PEBP4: variants seen among roughly 807,000 people sequenced by gnomAD.
PEBP4 encodes phosphatidylethanolamine-binding protein 4.
PEBP4 carries 22 observed loss-of-function variants against 23.9 expected under a neutral mutation model. That is an observed-to-expected ratio of 0.92 (90% CI 0.66 to 1.31). The LOEUF is 1.31. PEBP4 is among the 40% of genes most tolerant of loss of function. The probability of loss-of-function intolerance (pLI) is 0.00; values close to 1 mark genes in which losing one functional copy is unlikely to be tolerated. For missense variants in PEBP4, 324 were observed against 281.7 expected, an observed-to-expected ratio of 1.15 and a Z score of -1.07; for synonymous variants, 112 against 99.3, an observed-to-expected ratio of 1.13 and a Z score of -0.76.
rs149835622 is a variant in PEBP4 at position 22,895,078 on chromosome 8, T to C, written c.258+25106A>G. On this transcript the variant is annotated intron_variant, in intron 3 of 6. Coordinates refer to ENST00000256404, the MANE Select transcript of PEBP4 (RefSeq NM_144962.3). ...GGTGCCATTTGTTTTTTAATATTTA[T>C]TGGCAGAAATCTGAGAAATGTATAG... Among the ~76,000 whole-genome samples the C allele has an allele frequency of 1.8e-4, 27 of 152,310 alleles. 1 individual carries two copies. The East Asian group carries it at 5.2e-3, about 29-fold the overall frequency.
intron 4 of PEBP4, among the ~76,000 whole-genome samples, chr8:22,813,956 C>A (rs1806687895): frequency 6.6e-6 from 1 of 152,166 alleles, no homozygotes; most frequent in African/African-American, 2.4e-5. Flanking sequence ...AGAATAGAAG[C>A]CCTGTGAGGG....
chr8:22,924,175 C>T (rs2036788), intron 2 of PEBP4, among the ~76,000 whole-genome samples: 5,670 of 152,234 alleles, frequency 0.037, 146 homozygotes, highest in Middle Eastern at 0.078. Flanking sequence ...ACAGCCTGGA[C>T]TACATACCGA....
In PEBP4 at chr8:22,865,890, C is replaced by T. The variant is rs1161001280; in HGVS notation, c.259-48155G>A. On this transcript the variant is annotated intron_variant, in intron 3 of 6. Transcript: ENST00000256404. This position sits in a 1 kb window ranked among gnomAD's most constrained non-coding sequence, Gnocchi z 6.9. ...ACCCCGGCTGTCCCAGCTCGGGCGC[C>T]CCAAACCCACAGCTCCCACTCAGGA... Among the ~76,000 whole-genome samples the T allele has an allele frequency of 6.6e-6, 1 of 152,132 alleles. No homozygotes were observed. The highest frequency in any genetic ancestry group is 1.5e-5 in the Non-Finnish European group (1 of 68,010).
Position 22,865,919 on chromosome 8 carries a change from G to A in PEBP4, c.259-48184C>T, listed in dbSNP as rs1245013555. Among the ~76,000 whole-genome samples the A allele has an allele frequency of 6.6e-6, 1 of 152,002 alleles. No individual in the cohort carries two copies. Among genetic ancestry groups the A allele is most frequent in the African/African-American group, 2.4e-5 (1 of 41,412 alleles). On this transcript the variant is annotated intron_variant, in intron 3 of 6. Transcript: ENST00000256404. This position sits in a 1 kb window ranked among gnomAD's most constrained non-coding sequence, Gnocchi z 6.9. ...AACCCACAGCTCCCACTCAGGACACGCGCCTCGAGGTGTGGCCCGGCGCCG... is the reference window on the plus strand; with the variant it reads ...AACCCACAGCTCCCACTCAGGACACACGCCTCGAGGTGTGGCCCGGCGCCG...
chr8:22,740,712 C>T (rs1043662765), intron 4 of PEBP4, among the ~76,000 whole-genome samples: 5 of 152,194 alleles, frequency 3.3e-5, no homozygotes, highest in African/African-American at 4.8e-5. Context: ...TCACCCTTCC[C>T]CCTGTGGCCC....
rs10680983 is a variant in PEBP4 at position 22,725,999 on chromosome 8, A to ATGTGTGTGTGTGTGTGTG, written c.404-1061_404-1044dup. ...CATTTTTGGATCGCAGATCAGATAT[A>ATGTGTGTGTGTGTGTGTG]TGTGTGTGTGTGTGTGTGTGTGTGT... On this transcript the variant is annotated intron_variant, in intron 5 of 6. Transcript: ENST00000256404. Among the ~76,000 whole-genome samples, 211 of 146,438 alleles carry ATGTGTGTGTGTGTGTGTG rather than the reference A, an allele frequency of 1.4e-3. 1 individual carries two copies. Among genetic ancestry groups the ATGTGTGTGTGTGTGTGTG allele is most frequent in the Non-Finnish European group, 2.3e-3 (153 of 66,714 alleles).
At chr8:22,823,748 A>G (rs1290848796) in intron 3 of PEBP4, among the ~76,000 whole-genome samples, 2 of 152,096 alleles carry the variant, frequency 1.3e-5, no homozygotes, top group Non-Finnish European at 2.9e-5. Context: ...AATATCTATG[A>G]AAAAATGTGA....
chr8:22,786,755 T>C (rs1207670983), intron 4 of PEBP4, among the ~76,000 whole-genome samples: 1 of 151,962 alleles, frequency 6.6e-6, no homozygotes. Flanking sequence ...CAAAGCTCCA[T>C]GCCAGGGAGT....
chr8:22,933,154 G>T (rs17088815), intron 1 of PEBP4, among the ~76,000 whole-genome samples: 1,730 of 152,252 alleles, frequency 0.011, 28 homozygotes, highest in African/African-American at 0.04. Context: ...CATGTGCAAT[G>T]CTCTAATCTG....
At chr8:22,817,570 T>C in intron 4 of PEBP4, 67 bp downstream of exon 4, 1 of 1,425,590 alleles carries the variant, frequency 7.0e-7, no homozygotes, top group South Asian at 1.1e-5. Context: ...AGGTGGGAAC[T>C]GCACTGAATG....
At chr8:22,730,130 T>C (rs1804701197) in intron 4 of PEBP4, among the ~76,000 whole-genome samples, 2 of 152,322 alleles carry the variant, frequency 1.3e-5, no homozygotes, top group South Asian at 4.1e-4. Flanking sequence ...CCATCAGTTC[T>C]ATGGGAGGCA....
chr8:22,934,654 T>C (rs997854006), intron 1 of PEBP4, among the ~76,000 whole-genome samples: 3 of 152,050 alleles, frequency 2.0e-5, no homozygotes, highest in Non-Finnish European at 4.4e-5. Context: ...CTGGGCCACA[T>C]AGTGAGACCC....
intron 3 of PEBP4, among the ~76,000 whole-genome samples, chr8:22,827,012 C>T (rs1806985033): frequency 6.6e-6 from 1 of 152,078 alleles, no homozygotes; most frequent in Non-Finnish European, 1.5e-5. Flanking sequence ...TGGCCTTGTC[C>T]CTTTGCAGCA....
At chr8:22,803,971 C>T (rs1209394824) in intron 4 of PEBP4, among the ~76,000 whole-genome samples, 1 of 152,204 alleles carries the variant, frequency 6.6e-6, no homozygotes, top group Non-Finnish European at 1.5e-5. Context: ...CTCAAAGGAG[C>T]AAAATGGTCT....
intron 3 of PEBP4, among the ~76,000 whole-genome samples, chr8:22,864,828 C>T (rs539829979): frequency 3.9e-5 from 6 of 152,342 alleles, no homozygotes; most frequent in Non-Finnish European, 7.3e-5. Context: ...AGTAAAACAC[C>T]ACGGGGGCCG....
chr8:22,919,635 T>G (rs553449224), intron 3 of PEBP4, among the ~76,000 whole-genome samples: 11 of 152,178 alleles, frequency 7.2e-5, no homozygotes, highest in African/African-American at 4.8e-5. Context: ...TTGTTCTTCT[T>G]TTACACAACT....
At chr8:22,726,214 C>T (rs973353807) in intron 5 of PEBP4, among the ~76,000 whole-genome samples, 1 of 152,102 alleles carries the variant, frequency 6.6e-6, no homozygotes, top group African/African-American at 2.4e-5. Flanking sequence ...TCCTAAACAC[C>T]GCCAGGGCTG....
chr8:22,887,868 G>T (rs1349694353), intron 3 of PEBP4: 1 of 152,196 alleles, frequency 6.6e-6, no homozygotes, highest in African/African-American at 2.4e-5. Context: ...ACGCATGCGC[G>T]CATGCACACG....
chr8:22,840,642 T>C (rs1807306662), intron 3 of PEBP4, among the ~76,000 whole-genome samples: 3 of 152,208 alleles, frequency 2.0e-5, no homozygotes. Flanking sequence ...CATGTTCCTC[T>C]TGGGTCAAAG....
Sources: gnomAD v4.1 joint callset for allele counts (sites outside exome capture counted in the v4.1 genomes callset) on GRCh38, gnomAD v4.1.1 for gene constraint, Gnocchi (gnomAD v3.1) non-coding constraint, MANE v1.5 for transcripts, NCBI Gene and HGNC (gene_info 2026-07-23, HGNC 2026-07-21) for gene names.